ST8SIA3: variants seen among roughly 807,000 people sequenced by gnomAD.
ST8SIA3 encodes the protein ST8 alpha-N-acetyl-neuraminide alpha-2,8-sialyltransferase 3.
ST8SIA3 carries 17 observed loss-of-function variants against 34.5 expected under a neutral mutation model. That is an observed-to-expected ratio of 0.49 (90% CI 0.34 to 0.74). The LOEUF (loss-of-function observed/expected upper bound fraction) is 0.74, where lower values mean the gene tolerates loss of function less well. Among genes scored for constraint, ST8SIA3 ranks in the 30% least tolerant of loss-of-function variants. The pLI is 0.01. For synonymous variants in ST8SIA3, 172 were observed against 176.1 expected (o/e 0.98, Z 0.19); for missense variants, 354 against 467.8 (o/e 0.76, Z 2.24).
intron 1 of ST8SIA3, among the ~76,000 whole-genome samples, chr18:57,353,970 A>C (rs1476997929): frequency 3.3e-5 from 5 of 152,146 alleles, no homozygotes; most frequent in Non-Finnish European, 7.4e-5. Flanking sequence ...TAAGGCAGGA[A>C]CCACCCCCAG....
intron 2 of ST8SIA3, 139 bp downstream of exon 2, chr18:57,354,663 C>G (rs1330452724): frequency 1.0e-6 from 1 of 997,738 alleles, no homozygotes; most frequent in African/African-American, 1.6e-5. Flanking sequence ...GGTGTATCTG[C>G]ATTGTTTTCT....
chr18:57,360,124 A>T lies in ST8SIA3; in HGVS notation c.990A>T (p.Thr330=). ...GGCCGTTTGGATTTGACCCCAACACAAGGGAAGATCTTCCATACCATTACT... is the reference window on the plus strand; with the variant it reads ...GGCCGTTTGGATTTGACCCCAACACTAGGGAAGATCTTCCATACCATTACT... The part of the protein sequence containing the change: ...GFWPFGFDPN[T]REDLPYHYYD... Residue 330 remains threonine (T), a synonymous_variant, in exon 4 of 4, where the codon ACA becomes ACT. Coordinates refer to ENST00000324000, the MANE Select transcript of ST8SIA3 (RefSeq NM_015879.3). The T allele has an allele frequency of 6.2e-7, 1 of 1,614,164 alleles. No individual in the cohort carries two copies. Among genetic ancestry groups the T allele is most frequent in the South Asian group, 1.1e-5 (1 of 91,088 alleles).
chr18:57,359,771 T>C (rs2049819213), intron 3 of ST8SIA3, among the ~76,000 whole-genome samples: 1 of 152,216 alleles, frequency 6.6e-6, no homozygotes, highest in South Asian at 2.1e-4. Flanking sequence ...AAATTTTCAA[T>C]ACTTTTTGAA....
At position 57,357,028 on chromosome 18, in the gene ST8SIA3, A is replaced by G. The variant is rs780663257; in HGVS notation, c.418A>G (p.Ile140Val). The change falls in exon 3 of 4, where the codon ATT becomes GTT. Residue 140 changes from isoleucine (I) to valine (V), a missense_variant. Ile to Val is a conservative substitution (Grantham distance 29). Coordinates refer to ENST00000324000, the MANE Select transcript of ST8SIA3 (RefSeq NM_015879.3). ...DYSSHKYVFS[I>V]SNNFRSLLPD... Reference sequence around the variant, plus strand: ...TTCCAGCCATAAATATGTTTTCTCTATTAGCAATAACTTCCGGTCACTTCT... The same window carrying G: ...TTCCAGCCATAAATATGTTTTCTCTGTTAGCAATAACTTCCGGTCACTTCT... The G allele has an allele frequency of 1.9e-5, 30 of 1,613,968 alleles. No homozygotes were observed. Among genetic ancestry groups the G allele is most frequent in the African/African-American group, 4.0e-5 (3 of 74,946 alleles).
At chr18:57,356,154 A>G (rs1356121991) in intron 2 of ST8SIA3, among the ~76,000 whole-genome samples, 1 of 152,222 alleles carries the variant, frequency 6.6e-6, no homozygotes, top group African/African-American at 2.4e-5. Flanking sequence ...ATATGAAAGC[A>G]ACGTGAAATT....
In ST8SIA3 at chr18:57,357,328, G is replaced by A. The variant is rs758757861; in HGVS notation, c.718G>A (p.Gly240Arg). Residue 240 changes from glycine (G) to arginine (R), a missense_variant, in exon 3 of 4, where the codon GGG becomes AGG. By Grantham distance (125) the Gly-to-Arg change is moderately radical. Transcript: ENST00000324000. ...TTTCCTCAGTTTAAAAAAGCTTGAC[G>A]GGGCCATTCTTTGGATCCCTGCATT... The part of the protein sequence containing the change: ...NFFLSLKKLD[G>R]AILWIPAFFF... 2.0e-5 allele frequency: 32 copies of A among 1,613,628 alleles called. No homozygotes were observed. The highest frequency in any genetic ancestry group is 3.3e-5 in the Admixed American group (2 of 59,984).
At position 57,363,390 on chromosome 18, in the gene ST8SIA3, C is replaced by T. The variant is rs1228491495; in HGVS notation, c.*3113C>T. On this transcript the variant is annotated 3_prime_UTR_variant, in exon 4 of 4. Coordinates refer to ENST00000324000, the MANE Select transcript of ST8SIA3 (RefSeq NM_015879.3). ...GATTATTAAAATATCTATCATTTCT[C>T]CACCTTGTGTCTGTGTCTTAAGTGT... The T allele has an allele frequency of 6.6e-6, 1 of 152,238 alleles. No individual in the cohort carries two copies. The highest frequency in any genetic ancestry group is 1.9e-4 in the East Asian group (1 of 5,198). 9.4% of individuals were successfully genotyped at this position (152,238 alleles called of 1,614,324 possible).
At chr18:57,353,050 G>A (rs1172307098) in intron 1 of ST8SIA3, 25 bp downstream of exon 1, 2 of 1,596,612 alleles carry the variant, frequency 1.3e-6, no homozygotes, top group Non-Finnish European at 1.7e-6. Context: ...CTGTGTTAGT[G>A]CCCTCGGGAA....
chr18:57,355,285 G>A (rs1323752212), intron 2 of ST8SIA3, among the ~76,000 whole-genome samples: 2 of 152,110 alleles, frequency 1.3e-5, no homozygotes, highest in African/African-American at 4.8e-5. Flanking sequence ...CTTCCTTCAT[G>A]GTGGGATTAT....
Position 57,361,682 on chromosome 18 carries a change from T to C in ST8SIA3, c.*1405T>C, listed in dbSNP as rs2049831575. The C allele has an allele frequency of 6.6e-6, 1 of 152,662 alleles. No homozygotes were observed. The highest frequency in any genetic ancestry group is 1.5e-5 in the Non-Finnish European group (1 of 68,032). 9.5% of individuals were successfully genotyped at this position (152,662 alleles called of 1,614,324 possible). ...ATCATTCCCATCCCTGGCTTTTTACTGAGCAGCACTTTGTTCTTCCAATTC... is the reference window on the plus strand; with the variant it reads ...ATCATTCCCATCCCTGGCTTTTTACCGAGCAGCACTTTGTTCTTCCAATTC... On this transcript the variant is annotated 3_prime_UTR_variant, in exon 4 of 4. Coordinates refer to ENST00000324000, the MANE Select transcript of ST8SIA3 (RefSeq NM_015879.3).
Position 57,357,461 on chromosome 18 carries a change from A to G in ST8SIA3, c.851A>G (p.His284Arg), listed in dbSNP as rs1428370215. ...GCTTGGCCGGGAAATATAATGCAAC[A>G]TGTCAACAGGTGTGTATATTTTATT... ...QLAWPGNIMQ[H>R]VNRYWKNKHL... Residue 284 changes from histidine (H) to arginine (R), a missense_variant, in exon 3 of 4, where the codon CAT becomes CGT. This residue lies in a region of ST8SIA3 where 166 missense variants were observed against 245.2 expected (regional missense o/e 0.68). Coordinates refer to ENST00000324000, the MANE Select transcript of ST8SIA3 (RefSeq NM_015879.3). 6.2e-7 allele frequency: 1 copy of G among 1,610,528 alleles called. No homozygotes were observed. The highest frequency in any genetic ancestry group is 8.5e-7 in the Non-Finnish European group (1 of 1,178,792).
rs2049867358 is a variant in ST8SIA3, at chr18:57,367,527, C to A, written c.*7250C>A. On this transcript the variant is annotated 3_prime_UTR_variant, in exon 4 of 4. Transcript: ENST00000324000. ...CAGGTAGGCCTTGTTTTATTATGAA[C>A]AAATTCACCAGAAAACCATTCTTGA... 1 of 152,544 alleles carries A rather than the reference C, an allele frequency of 6.6e-6. No individual in the cohort carries two copies. Among genetic ancestry groups the A allele is most frequent in the African/African-American group, 2.4e-5 (1 of 41,430 alleles). The allele number at this position is 152,544 out of a possible 1,614,324, so 9.4% of individuals were successfully genotyped here.
At chr18:57,353,089 A>G in intron 1 of ST8SIA3, 64 bp downstream of exon 1, 12 of 1,559,032 alleles carry the variant, frequency 7.7e-6, no homozygotes, top group Non-Finnish European at 1.0e-5. Context: ...TGGGGAAGGG[A>G]AGGCGTGGGG....
Position 57,366,855 on chromosome 18 carries a change from A to G in ST8SIA3, c.*6578A>G, listed in dbSNP as rs1485727790. ...ATGTGATGTAAGGCTGGACCATGAA[A>G]AACAAAAATCTACTAATACACATTT... On this transcript the variant is annotated 3_prime_UTR_variant, in exon 4 of 4. Transcript: ENST00000324000. 1 of 152,208 alleles carries G rather than the reference A, an allele frequency of 6.6e-6. No individual in the cohort carries two copies. Among genetic ancestry groups the G allele is most frequent in the Non-Finnish European group, 1.5e-5 (1 of 68,042 alleles). The allele number at this position is 152,208 out of a possible 1,614,324, so 9.4% of individuals were successfully genotyped here.
At chr18:57,354,063 G>A (rs907424499) in intron 1 of ST8SIA3, among the ~76,000 whole-genome samples, 1 of 152,226 alleles carries the variant, frequency 6.6e-6, no homozygotes, top group African/African-American at 2.4e-5. Context: ...GGTCAGGCTG[G>A]CGGGGCGGCC....
Position 57,357,147 on chromosome 18 carries a change from A to G in ST8SIA3, c.537A>G (p.Glu179=), listed in dbSNP as rs372427096. ...TGACAGGGAGCCAGTGTGGACAAGA[A>G]ATAGATAAATCAGATTTTGTTTTCC... The part of the protein sequence containing the change: ...GILTGSQCGQ[E]IDKSDFVFRC... Residue 179 remains glutamate (E), a synonymous_variant, in exon 3 of 4, where the codon GAA becomes GAG. Transcript: ENST00000324000. 64 of 1,614,012 alleles carry G rather than the reference A, an allele frequency of 4.0e-5. No homozygotes were observed. In the Middle Eastern group the frequency reaches 9.9e-4, roughly 25 times the overall value.
chr18:57,354,975 G>A (rs1192366920), intron 2 of ST8SIA3, among the ~76,000 whole-genome samples: 1 of 152,094 alleles, frequency 6.6e-6, no homozygotes, highest in African/African-American at 2.4e-5. Context: ...TGAAACACAC[G>A]GAAAATGCCA....
chr18:57,356,937 T>A lies in ST8SIA3; in HGVS notation c.327T>A (p.Asp109Glu). The change falls in exon 3 of 4, where the codon GAT becomes GAA. Residue 109 changes from aspartate to glutamate, a missense_variant. Asp to Glu is a conservative substitution (Grantham distance 45). Around this residue, in one of 3 missense-constraint regions of ST8SIA3, gnomAD observed 184 missense variants for 205.4 expected, o/e 0.90. Transcript: ENST00000324000. The stretch of plus-strand genomic sequence containing the variant: ...GGCAAGAAATTCTTCAGCATGTCGA[T>A]GTAATAAAAAATTTTTCTTTGACCA... ...HQRQEILQHV[D>E]VIKNFSLTKN... The A allele has an allele frequency of 5.0e-6, 8 of 1,600,590 alleles. No homozygotes were observed. Among genetic ancestry groups the A allele is most frequent in the Non-Finnish European group, 6.8e-6 (8 of 1,173,108 alleles).
In ST8SIA3 at chr18:57,367,227, C is replaced by T. The variant is rs1214114055; in HGVS notation, c.*6950C>T. The T allele has an allele frequency of 6.6e-6, 1 of 152,214 alleles. No individual in the cohort carries two copies. Among genetic ancestry groups the T allele is most frequent in the Non-Finnish European group, 1.5e-5 (1 of 68,030 alleles). The allele number at this position is 152,214 out of a possible 1,614,324, so 9.4% of individuals were successfully genotyped here. On this transcript the variant is annotated 3_prime_UTR_variant, in exon 4 of 4. Transcript: ENST00000324000. ...ACAGGTTCTGTAAGGCATTTCTAAA[C>T]TGTAAATGCTTGAAACGCAAGTTGG...
Sources: allele counts gnomAD v4.1 joint callset (sites outside exome capture counted in the v4.1 genomes callset), GRCh38; gene constraint gnomAD v4.1.1; regional missense constraint gnomAD v4.1.1; transcripts MANE v1.5; gene names NCBI Gene and HGNC (gene_info 2026-07-23, HGNC 2026-07-21).